CCDC192: variants seen among roughly 807,000 people sequenced by gnomAD.
The protein encoded by CCDC192 is coiled-coil domain-containing protein 192.
intron 5 of CCDC192, among the ~76,000 whole-genome samples, chr5:127,800,541 T>C (rs752089704): frequency 3.3e-5 from 5 of 152,026 alleles, no homozygotes; most frequent in Admixed American, 3.3e-4. Context: ...TTATGAATGG[T>C]GATTTGTAAC....
chr5:127,838,147 C>T (rs1331438359), intron 5 of CCDC192, among the ~76,000 whole-genome samples: 1 of 152,238 alleles, frequency 6.6e-6, no homozygotes, highest in Non-Finnish European at 1.5e-5. Context: ...ATCTCCCTGA[C>T]TCCTACAATG....
At chr5:127,776,255 C>T (rs1237151863) in intron 3 of CCDC192, among the ~76,000 whole-genome samples, 1 of 147,874 alleles carries the variant, frequency 6.8e-6, no homozygotes, top group African/African-American at 2.7e-5. Context: ...GAGAAACTTG[C>T]TGGGAACTTA....
chr5:127,893,568 C>T (rs547130712), intron 6 of CCDC192, among the ~76,000 whole-genome samples: 286 of 152,280 alleles, frequency 1.9e-3, no homozygotes, highest in African/African-American at 6.2e-3. Context: ...TCTATAAACA[C>T]GTAGGCTTTT....
At chr5:127,763,385 A>G (rs1284109452) in intron 3 of CCDC192, among the ~76,000 whole-genome samples, 2 of 152,124 alleles carry the variant, frequency 1.3e-5, no homozygotes, top group East Asian at 3.8e-4. Context: ...GATGACTCCC[A>G]AATCACTCTT....
At chr5:127,868,829 C>T (rs1192887284) in intron 5 of CCDC192, among the ~76,000 whole-genome samples, 1 of 152,010 alleles carries the variant, frequency 6.6e-6, no homozygotes, top group East Asian at 1.9e-4. Flanking sequence ...TATCAAAACT[C>T]CCCACAATGT....
chr5:127,731,051 A>C (rs536586110), intron 2 of CCDC192, among the ~76,000 whole-genome samples: 2 of 152,226 alleles, frequency 1.3e-5, no homozygotes, highest in African/African-American at 4.8e-5. Flanking sequence ...AGCATATTCA[A>C]ATAGGAAGGG....
At chr5:127,849,586 T>G (rs1750711518) in intron 5 of CCDC192, among the ~76,000 whole-genome samples, 1 of 152,188 alleles carries the variant, frequency 6.6e-6, no homozygotes, top group Non-Finnish European at 1.5e-5. Flanking sequence ...TCATTAGAGA[T>G]TCATATTTTT....
intron 2 of CCDC192, among the ~76,000 whole-genome samples, chr5:127,734,375 C>A (rs918820731): frequency 1.3e-5 from 2 of 151,732 alleles, no homozygotes; most frequent in African/African-American, 4.8e-5. Context: ...GGAATAATGC[C>A]GCAATAAACA....
At chr5:127,776,680 C>T (rs773126385) in intron 3 of CCDC192, among the ~76,000 whole-genome samples, 5 of 152,198 alleles carry the variant, frequency 3.3e-5, no homozygotes, top group Non-Finnish European at 5.9e-5. Context: ...AAAATGGTTT[C>T]ATGGACTGGG....
chr5:127,739,099 T>A (rs997150751), intron 2 of CCDC192, among the ~76,000 whole-genome samples: 2 of 152,232 alleles, frequency 1.3e-5, no homozygotes, highest in African/African-American at 4.8e-5. Context: ...GATGTACAGA[T>A]GGGTTTTTGG....
chr5:127,793,254 G>A (rs1365592067), intron 3 of CCDC192, among the ~76,000 whole-genome samples: 1 of 152,154 alleles, frequency 6.6e-6, no homozygotes, highest in Non-Finnish European at 1.5e-5. Flanking sequence ...ACATTTCTTA[G>A]AATTAAGCTG....
chr5:127,869,327 A>AAAAAT (rs1295872311), intron 5 of CCDC192, among the ~76,000 whole-genome samples: 11 of 152,194 alleles, frequency 7.2e-5, no homozygotes, highest in African/African-American at 1.4e-4. Context: ...TCCATCTCAA[A>AAAAAT]AAAATAAAAT....
chr5:127,774,125 G>C (rs1387347575), intron 3 of CCDC192, among the ~76,000 whole-genome samples: 1 of 151,864 alleles, frequency 6.6e-6, no homozygotes, highest in Non-Finnish European at 1.5e-5. Flanking sequence ...TCTTTTTGTT[G>C]CCGAATTGTA....
chr5:127,715,542 T>C (rs2126787259), intron 2 of CCDC192, among the ~76,000 whole-genome samples: 1 of 152,322 alleles, frequency 6.6e-6, no homozygotes. Context: ...TTCTATTTTA[T>C]CAAGATTGCT....
chr5:127,719,526 C>CAG (rs1561444919), intron 2 of CCDC192, among the ~76,000 whole-genome samples: 1 of 82,616 alleles, frequency 1.2e-5, no homozygotes, highest in Non-Finnish European at 2.0e-5. Flanking sequence ...TATATATATA[C>CAG]ACACATACAT....
chr5:127,789,331 C>T (rs1270956142), intron 3 of CCDC192, among the ~76,000 whole-genome samples: 1 of 151,994 alleles, frequency 6.6e-6, no homozygotes, highest in Non-Finnish European at 1.5e-5. Context: ...TTCGAGAAGA[C>T]ATAAATAATC....
At chr5:127,744,969 G>A (rs958318125) in intron 2 of CCDC192, among the ~76,000 whole-genome samples, 1 of 152,164 alleles carries the variant, frequency 6.6e-6, no homozygotes, top group African/African-American at 2.4e-5. Flanking sequence ...TCTGATCCCT[G>A]TCAATGTCCC....
chr5:127,851,697 C>A (rs553653980), intron 5 of CCDC192, among the ~76,000 whole-genome samples: 2 of 152,346 alleles, frequency 1.3e-5, no homozygotes, highest in Non-Finnish European at 2.9e-5. Flanking sequence ...ACCTCGTGAT[C>A]TGCCCGCCTC....
rs1274829862 is a variant in CCDC192, at chr5:127,735,302, C to A, written c.115-18966C>A. On this transcript the variant is annotated intron_variant, in intron 2 of 6. Transcript: ENST00000514853. ...ATTGATCTATATCTCTGTTTTGGTA[C>A]CAGTACCATGCTGTTTTGGTTACTG... Among the ~76,000 whole-genome samples, 9 of 136,374 alleles carry A rather than the reference C, an allele frequency of 6.6e-5. No individual in the cohort carries two copies. The Admixed American group carries it at 6.7e-4, about 10-fold the overall frequency. 89.5% of individuals were successfully genotyped at this position (136,374 alleles called of 152,430 possible).
Sources: gnomAD v4.1 joint callset for allele counts (sites outside exome capture counted in the v4.1 genomes callset) on GRCh38, gnomAD v4.1.1 for gene constraint, MANE v1.5 for transcripts, NCBI Gene and HGNC (gene_info 2026-07-23, HGNC 2026-07-21) for gene names.